The following CPT1C variants were observed in gnomAD, a reference collection of about 807,000 sequenced individuals.
CPT1C encodes the protein palmitoyl thioesterase CPT1C.
CPT1C carries 61 observed loss-of-function variants against 97.3 expected under a neutral mutation model. The ratio of observed to expected loss-of-function variants is 0.63; its 90% CI spans 0.51 to 0.78. CPT1C has a LOEUF of 0.78. Ranked by LOEUF, CPT1C falls within the 30% of genes least tolerant of loss-of-function variation. The pLI is 0.00. For synonymous variants in CPT1C, 469 were observed against 447.2 expected, an observed-to-expected ratio of 1.05 and a Z score of -0.61; for missense variants, 975 against 1,065.5, an observed-to-expected ratio of 0.92 and a Z score of 1.18.
intron 13 of CPT1C, among the ~76,000 whole-genome samples, chr19:49,707,918 G>T (rs1396940302): frequency 1.3e-5 from 2 of 148,176 alleles, no homozygotes; most frequent in Admixed American, 1.4e-4. Flanking sequence ...CATGAGAATC[G>T]CATGAACCCG....
In CPT1C at chr19:49,692,327, C is replaced by G. The variant is rs2082401327; in HGVS notation, c.75C>G (p.Ala25=). The change falls in exon 3 of 20, where the codon GCC becomes GCG. Residue 25 remains alanine (A), a synonymous_variant. Transcript: ENST00000598293. ...TSDGAEVELS[A]PVLQEIYLSG... is the part of the protein sequence containing the mutation. ...ACGGGGCTGAAGTGGAACTCAGTGC[C>G]CCTGTGCTGCAGGAGATCTACCTCT... 3 of 1,614,082 alleles carry G rather than the reference C, an allele frequency of 1.9e-6. No homozygotes were observed. The highest frequency in any genetic ancestry group is 2.5e-6 in the Non-Finnish European group (3 of 1,180,010).
At chr19:49,709,473 C>T (rs2083713375) in intron 14 of CPT1C, among the ~76,000 whole-genome samples, 1 of 151,762 alleles carries the variant, frequency 6.6e-6, no homozygotes, top group Non-Finnish European at 1.5e-5. Flanking sequence ...TCAGTCCCTC[C>T]TCCATCCCCA....
At position 49,701,216 on chromosome 19, in the gene CPT1C, T is replaced by A; in HGVS notation, c.454-101T>A. The stretch of plus-strand genomic sequence containing the variant: ...GGGGTCTCCGATGCTCTTAAGTCTC[T>A]GTGTCCTTCTCTTTGGGTTTCTGTC... On this transcript the variant is annotated intron_variant, in intron 5 of 19. Coordinates refer to ENST00000598293, the MANE Select transcript of CPT1C (RefSeq NM_001199753.2). 4 of 947,512 alleles carry A rather than the reference T, an allele frequency of 4.2e-6. No homozygotes were observed. In the South Asian group the frequency reaches 4.7e-5, roughly 11 times the overall value. 58.7% of individuals were successfully genotyped at this position (947,512 alleles called of 1,614,324 possible). A position where few individuals can be genotyped will look rare whatever the true frequency, so the allele number is the denominator to read the frequency against.
At chr19:49,692,111 G>C (rs1166705904) in intron 2 of CPT1C, 128 bp from the exon 3 acceptor site, 1 of 894,198 alleles carries the variant, frequency 1.1e-6, no homozygotes, top group South Asian at 1.8e-5. Flanking sequence ...TGGACTCCTG[G>C]ATCTGAGAGA....
At chr19:49,709,213 G>A (rs1014357668) in intron 14 of CPT1C, among the ~76,000 whole-genome samples, 1 of 150,714 alleles carries the variant, frequency 6.6e-6, no homozygotes, top group African/African-American at 2.4e-5. Context: ...TCATTCCCAT[G>A]TTCATCCTAA....
chr19:49,693,919 G>T (rs1373925313), intron 3 of CPT1C, among the ~76,000 whole-genome samples: 1 of 151,964 alleles, frequency 6.6e-6, no homozygotes, highest in African/African-American at 2.4e-5. Context: ...ACACAAATTA[G>T]CCTGGTGTGG....
chr19:49,694,423 G>T (rs2082542412), intron 3 of CPT1C, among the ~76,000 whole-genome samples: 1 of 152,128 alleles, frequency 6.6e-6, no homozygotes, highest in Admixed American at 6.5e-5. Flanking sequence ...GAAGTCAGGA[G>T]TTCAAGACCA....
Position 49,704,693 on chromosome 19 carries a change from C to T in CPT1C, c.694-17C>T, listed in dbSNP as rs765878325. 28 of 1,609,868 alleles carry T rather than the reference C, an allele frequency of 1.7e-5. No individual in the cohort carries two copies. The highest frequency in any genetic ancestry group is 2.0e-5 in the Non-Finnish European group (24 of 1,176,930). On this transcript the variant is annotated splice_polypyrimidine_tract_variant and intron_variant, in intron 7 of 19. Transcript: ENST00000598293. ...GGCCCCAGCCCCTCACTGTGTGTCT[C>T]CCCACCCCGCTCCCAGGTCAGTGAC... is the stretch of plus-strand genomic sequence containing the variant.
intron 10 of CPT1C, 128 bp downstream of exon 10, chr19:49,705,426 T>C: frequency 1.3e-6 from 1 of 766,102 alleles, no homozygotes; most frequent in Non-Finnish European, 2.1e-6. Context: ...TGCACGTTAT[T>C]ACCCTCTCTG....
chr19:49,709,212 T>C (rs2083693100), intron 14 of CPT1C, among the ~76,000 whole-genome samples: 1 of 151,596 alleles, frequency 6.6e-6, no homozygotes, highest in African/African-American at 2.4e-5. Flanking sequence ...TTCATTCCCA[T>C]GTTCATCCTA....
intron 13 of CPT1C, 48 bp downstream of exon 13, chr19:49,707,671 C>T: frequency 7.8e-7 from 1 of 1,281,946 alleles, no homozygotes; most frequent in South Asian, 1.2e-5. Context: ...GCCCCATCTC[C>T]AAAGACCGTC....
In CPT1C at chr19:49,701,510, T is replaced by C; in HGVS notation, c.569T>C (p.Val190Ala). 6.2e-7 allele frequency: 1 copy of C among 1,609,014 alleles called. No individual in the cohort carries two copies. Residue 190 changes from valine (V) to alanine (A), a missense_variant, in exon 7 of 20, where the codon GTC becomes GCC. By Grantham distance (64) the Val-to-Ala change is moderately conservative (BLOSUM62 0). This residue lies in a region of CPT1C where 596 missense variants were observed against 603.1 expected (regional missense o/e 0.99). Coordinates refer to ENST00000598293, the MANE Select transcript of CPT1C (RefSeq NM_001199753.2). ...QDTVRKYLESVRPILSDEDFD... is the reference protein window; with the variant it reads ...QDTVRKYLESARPILSDEDFD... ...TCTCCCCTTTAGTACCTGGAGTCGG[T>C]CCGGCCCATCCTCTCCGACGAGGAC...
Position 49,697,452 on chromosome 19 carries a change from T to A in CPT1C, c.268T>A (p.Leu90Met). The A allele has an allele frequency of 3.1e-6, 5 of 1,613,894 alleles. No individual in the cohort carries two copies. Among genetic ancestry groups the A allele is most frequent in the Non-Finnish European group, 4.2e-6 (5 of 1,179,920 alleles). Residue 90 changes from leucine to methionine, a missense_variant, in exon 4 of 20, where the codon TTG (leucine) becomes ATG (methionine). Coordinates refer to ENST00000598293, the MANE Select transcript of CPT1C (RefSeq NM_001199753.2). ...AGGACTGATGGAGAAGATCAAAGAG[T>A]TGCTGCCTGACTGGTGAGGTCCCCC... ...SLGLMEKIKELLPDWGGQHHG... is the reference protein window; with the variant it reads ...SLGLMEKIKEMLPDWGGQHHG...
intron 6 of CPT1C, 27 bp downstream of exon 6, chr19:49,701,445 T>TGGGGCGGCC (rs763540351): frequency 5.0e-5 from 80 of 1,590,712 alleles, no homozygotes; most frequent in Non-Finnish European, 6.6e-5. Flanking sequence ...GCAGACGGGC[T>TGGGGCGGCC]GGGGCGGCCG....
chr19:49,696,941 G>A lies in CPT1C; in HGVS notation c.142-385G>A, dbSNP rs569798557. Among the ~76,000 whole-genome samples, 23 of 151,864 alleles carry A rather than the reference G, an allele frequency of 1.5e-4. 1 individual carries two copies. The South Asian group carries it at 4.8e-3, about 32-fold the overall frequency. On this transcript the variant is annotated intron_variant, in intron 3 of 19. Transcript: ENST00000598293. ...GCCACCGCTGGTCTTGAACTCCTGG[G>A]CTCAAGGGATTCTCCTCCTTGACCT...
chr19:49,697,252 G>GTCTT (rs1407325853), intron 3 of CPT1C, 74 bp from the exon 4 acceptor site: 3 of 1,596,136 alleles, frequency 1.9e-6, no homozygotes, highest in Non-Finnish European at 1.7e-6. Flanking sequence ...GCTCAGTAAT[G>GTCTT]TCTGGGGATG....
intron 4 of CPT1C, chr19:49,697,767 G>T (rs764160139): frequency 1.2e-5 from 3 of 246,814 alleles, no homozygotes; most frequent in Non-Finnish European, 2.3e-5. Flanking sequence ...CAAAAATTAG[G>T]CCAGGCATGG....
Position 49,713,673 on chromosome 19 carries a change from G to T in CPT1C, c.*68G>T, listed in dbSNP as rs761955272. The T allele has an allele frequency of 6.8e-7, 1 of 1,478,210 alleles. No individual in the cohort carries two copies. Among genetic ancestry groups the T allele is most frequent in the Non-Finnish European group, 9.2e-7 (1 of 1,087,970 alleles). The allele number at this position is 1,478,210 out of a possible 1,614,324, so 91.6% of individuals were successfully genotyped here. A position where few individuals can be genotyped will look rare whatever the true frequency, so the allele number is the denominator to read the frequency against. On this transcript the variant is annotated 3_prime_UTR_variant, in exon 20 of 20. Transcript: ENST00000598293. ...AAATTGCCACAGCTGGCTGACACAG[G>T]ACAGGGGCAACTGGTTTGGCAACCC...
Position 49,697,394 on chromosome 19 carries a change from G to A in CPT1C, c.210G>A (p.Gln70=). ...LSWLFLFSAI[Q]LAWFLQLDPS... ...GGCTTTTCCTCTTCAGTGCCATCCA[G>A]CTTGCCTGGTTCCTCCAGCTGGATC... Residue 70 remains glutamine, a synonymous_variant, in exon 4 of 20, where the codon CAG becomes CAA. Coordinates refer to ENST00000598293, the MANE Select transcript of CPT1C (RefSeq NM_001199753.2). The A allele has an allele frequency of 1.2e-6, 2 of 1,614,160 alleles. No homozygotes were observed. Among genetic ancestry groups the A allele is most frequent in the Non-Finnish European group, 1.7e-6 (2 of 1,180,026 alleles).
Sources: allele counts gnomAD v4.1 joint callset (sites outside exome capture counted in the v4.1 genomes callset), GRCh38; gene constraint gnomAD v4.1.1; regional missense constraint gnomAD v4.1.1; transcripts MANE v1.5; gene names NCBI Gene and HGNC (gene_info 2026-07-23, HGNC 2026-07-21).